The following PCDHA5 variants were observed in gnomAD, a reference collection of about 807,000 sequenced individuals.
The protein encoded by PCDHA5 is protocadherin alpha-5.
PCDHA5 carries 43 observed loss-of-function variants against 61.6 expected under a neutral mutation model. The observed-to-expected ratio is 0.70, with a 90% confidence interval of 0.55 to 0.90. PCDHA5 has a LOEUF of 0.90. Among genes scored for constraint, PCDHA5 ranks in the 40% least tolerant of loss-of-function variants. The pLI is 0.00. For missense variants in PCDHA5, 1,298 were observed against 1,222.7 expected (o/e 1.06, Z -0.92); for synonymous variants, 627 against 543.9 (o/e 1.15, Z -2.13).
chr5:140,850,258 G>A, intron 1 of PCDHA5: 1 of 1,594,156 alleles, frequency 6.3e-7, no homozygotes, highest in South Asian at 1.1e-5. Flanking sequence ...GTGGGCGCCG[G>A]CGTAGTGGTG....
chr5:140,884,014 G>T, intron 1 of PCDHA5: 2 of 1,613,168 alleles, frequency 1.2e-6, no homozygotes, highest in Non-Finnish European at 1.7e-6. Context: ...AGCTGATGCC[G>T]CGGTCGGTGG....
chr5:141,005,932 G>A (rs1588114868), intron 3 of PCDHA5, among the ~76,000 whole-genome samples: 2 of 152,074 alleles, frequency 1.3e-5, no homozygotes, highest in East Asian at 3.9e-4. Context: ...GGTTGACAGA[G>A]TGAGAACCTA....
At chr5:140,927,130 C>T (rs1554204065) in intron 1 of PCDHA5, 6 of 1,614,032 alleles carry the variant, frequency 3.7e-6, no homozygotes, top group African/African-American at 1.3e-5. Flanking sequence ...GGTCAGAGAG[C>T]CGGCGGACCG....
chr5:140,856,215 C>A lies in PCDHA5; in HGVS notation c.2352+32088C>A, dbSNP rs781995878. ...GCGCAGGACCTGGGGCTGGAGCTGGCGGAGCTGGTGCAGCGCCTGTTCCGG... is the reference window on the plus strand; with the variant it reads ...GCGCAGGACCTGGGGCTGGAGCTGGAGGAGCTGGTGCAGCGCCTGTTCCGG... On this transcript the variant is annotated intron_variant, in intron 1 of 3. Coordinates refer to ENST00000529859, the MANE Select transcript of PCDHA5 (RefSeq NM_018908.3). 3 of 1,597,902 alleles carry A rather than the reference C, an allele frequency of 1.9e-6. No individual in the cohort carries two copies. Among genetic ancestry groups the A allele is most frequent in the African/African-American group, 1.3e-5 (1 of 74,266 alleles).
intron 1 of PCDHA5, chr5:140,870,649 G>T (rs533111347): frequency 1.2e-6 from 2 of 1,612,592 alleles, no homozygotes; most frequent in Non-Finnish European, 1.7e-6. Flanking sequence ...GAGCGGCAAG[G>T]TGTACGCGCT....
At chr5:140,866,566 A>C (rs1554160398) in intron 1 of PCDHA5, 1 of 152,154 alleles carries the variant, frequency 6.6e-6, no homozygotes, top group Non-Finnish European at 1.5e-5. Context: ...TAATTTTGTT[A>C]ATACAGTGGT....
chr5:140,863,237 C>A (rs782024401), intron 1 of PCDHA5: 6 of 1,306,974 alleles, frequency 4.6e-6, no homozygotes, highest in Non-Finnish European at 5.3e-6. Context: ...CCATCGCGGG[C>A]TTTGGCGGGC....
intron 1 of PCDHA5, among the ~76,000 whole-genome samples, chr5:140,846,706 T>C (rs1780634122): frequency 6.7e-6 from 1 of 149,360 alleles, no homozygotes. Context: ...GAGAAGATTG[T>C]AATAACCAGT....
chr5:140,897,722 T>G (rs1236534951), intron 1 of PCDHA5, among the ~76,000 whole-genome samples: 10 of 152,162 alleles, frequency 6.6e-5, no homozygotes, highest in Admixed American at 6.5e-4. Context: ...GATGGCTGGG[T>G]CAAATAGTAT....
intron 3 of PCDHA5, among the ~76,000 whole-genome samples, chr5:140,998,104 G>A (rs1554256160): frequency 6.6e-6 from 1 of 152,132 alleles, no homozygotes; most frequent in African/African-American, 2.4e-5. Context: ...GCAAACAGAG[G>A]AGAAAATTTA....
rs1464673358 is a variant in PCDHA5 at position 140,894,228 on chromosome 5, A to T, written c.2352+70101A>T. 2.6e-5 allele frequency among the ~76,000 whole-genome samples: 4 copies of T among 152,088 alleles called. No homozygotes were observed. In the South Asian group the frequency reaches 8.3e-4, roughly 31 times the overall value. ...TTATATTCTCATTTTAAAGATGTTG[A>T]ATGACAATGTAATTTTCTTTTCTTT... is the stretch of plus-strand genomic sequence containing the variant. On this transcript the variant is annotated intron_variant, in intron 1 of 3. Transcript: ENST00000529859.
At chr5:140,863,357 G>A (rs1320011614) in intron 1 of PCDHA5, 2 of 1,259,586 alleles carry the variant, frequency 1.6e-6, no homozygotes, top group South Asian at 1.2e-5. Context: ...ACGACGCTGC[G>A]GTGCTTGGCG....
At chr5:140,925,349 A>G (rs4912732) in intron 1 of PCDHA5, among the ~76,000 whole-genome samples, 5,885 of 152,152 alleles carry the variant, frequency 0.039, 171 homozygotes, top group Non-Finnish European at 0.058. Flanking sequence ...TTGAGTGAGG[A>G]ATTTAGTGCT....
chr5:140,935,870 T>C (rs1486682424), intron 1 of PCDHA5, among the ~76,000 whole-genome samples: 1 of 151,620 alleles, frequency 6.6e-6, no homozygotes, highest in East Asian at 1.9e-4. Context: ...TAGCAATTAA[T>C]GAGCTCCAAT....
intron 1 of PCDHA5, chr5:140,877,656 C>T (rs782196097): frequency 4.3e-6 from 7 of 1,613,442 alleles, no homozygotes; most frequent in African/African-American, 4.0e-5. Flanking sequence ...CGCCGCCCAC[C>T]GTGAGCCGGT....
chr5:140,879,836 G>A, intron 1 of PCDHA5, among the ~76,000 whole-genome samples: 1 of 152,186 alleles, frequency 6.6e-6, no homozygotes, highest in Non-Finnish European at 1.5e-5. Flanking sequence ...GCTTGTGGCT[G>A]TACCACTCCC....
chr5:140,899,982 AT>A (rs1290251020), intron 1 of PCDHA5, among the ~76,000 whole-genome samples: 2 of 150,600 alleles, frequency 1.3e-5, no homozygotes, highest in African/African-American at 4.9e-5. Flanking sequence ...TACTTTTTTG[AT>A]TTTTTTTGTA....
At chr5:140,999,004 A>T (rs2097842745) in intron 3 of PCDHA5, among the ~76,000 whole-genome samples, 1 of 152,258 alleles carries the variant, frequency 6.6e-6, no homozygotes, top group South Asian at 2.1e-4. Flanking sequence ...GCTGGAGCTG[A>T]GATTTGAACC....
chr5:140,979,462 T>C (rs2096852361), intron 2 of PCDHA5, among the ~76,000 whole-genome samples: 1 of 152,304 alleles, frequency 6.6e-6, no homozygotes, highest in East Asian at 1.9e-4. Context: ...CAATAATTGA[T>C]TGCTATTGTT....
Sources: allele counts gnomAD v4.1 joint callset (sites outside exome capture counted in the v4.1 genomes callset), GRCh38; gene constraint gnomAD v4.1.1; transcripts MANE v1.5; gene names NCBI Gene and HGNC (gene_info 2026-07-23, HGNC 2026-07-21).